Variants in GADL1 observed in about 807,000 individuals in gnomAD.
GADL1 encodes GAD like acidic amino acid decarboxylase 1, also known as acidic amino acid decarboxylase GADL1.
A neutral mutation model predicts 69.5 loss-of-function variants in GADL1; 71 were observed. The ratio of observed to expected loss-of-function variants is 1.02; its 90% CI spans 0.84 to 1.25. GADL1 has a LOEUF of 1.25. Ranked by LOEUF, GADL1 falls within the 50% of genes most tolerant of loss-of-function variation. The pLI is 0.00. For missense variants in GADL1, 737 were observed against 631.8 expected (o/e 1.17, Z -1.79); for synonymous variants, 254 against 214.4 (o/e 1.18, Z -1.62).
At chr3:30,759,018 A>G (rs1696052222) in intron 14 of GADL1, among the ~76,000 whole-genome samples, 2 of 151,988 alleles carry the variant, frequency 1.3e-5, no homozygotes, top group East Asian at 3.9e-4. Flanking sequence ...ACATACCTGC[A>G]CATAATTTCA....
intron 11 of GADL1, among the ~76,000 whole-genome samples, chr3:30,815,738 G>A (rs1173969197): frequency 6.6e-6 from 1 of 152,164 alleles, no homozygotes; most frequent in East Asian, 1.9e-4. Context: ...AAACAATCAG[G>A]TTTTATCTTT....
intron 1 of GADL1, among the ~76,000 whole-genome samples, chr3:30,881,342 C>T (rs1043083615): frequency 1.3e-5 from 2 of 151,892 alleles, no homozygotes; most frequent in African/African-American, 4.8e-5. Flanking sequence ...GATACTTAAA[C>T]TCTTATAGTA....
At chr3:30,839,829 G>GGA (rs1697938665) in intron 8 of GADL1, among the ~76,000 whole-genome samples, 1 of 151,788 alleles carries the variant, frequency 6.6e-6, no homozygotes, top group Non-Finnish European at 1.5e-5. Context: ...AGAAGAAAAG[G>GGA]GAGAATGTGG....
intron 11 of GADL1, among the ~76,000 whole-genome samples, chr3:30,812,972 T>G (rs1370548008): frequency 6.6e-6 from 1 of 151,482 alleles, no homozygotes; most frequent in Non-Finnish European, 1.5e-5. Context: ...ACAGAAGAAA[T>G]GAGGTTCAAA....
At chr3:30,787,773 T>C (rs1476428589) in intron 12 of GADL1, among the ~76,000 whole-genome samples, 1 of 152,148 alleles carries the variant, frequency 6.6e-6, no homozygotes, top group Non-Finnish European at 1.5e-5. Flanking sequence ...CTTCTTCAAT[T>C]TGAAATGGTT....
chr3:30,854,649 A>T, intron 4 of GADL1, 50 bp downstream of exon 4: 1 of 1,078,602 alleles, frequency 9.3e-7, no homozygotes, highest in Non-Finnish European at 1.4e-6. Context: ...TCATCTACTT[A>T]AAGTCTCTAA....
At chr3:30,736,378 C>A (rs1281731228) in intron 14 of GADL1, among the ~76,000 whole-genome samples, 1 of 152,068 alleles carries the variant, frequency 6.6e-6, no homozygotes, top group African/African-American at 2.4e-5. Context: ...CCATTCAGAG[C>A]CGATAATCCT....
chr3:30,857,557 G>A (rs190963503), intron 2 of GADL1, among the ~76,000 whole-genome samples: 1 of 151,844 alleles, frequency 6.6e-6, no homozygotes, highest in Non-Finnish European at 1.5e-5. Flanking sequence ...GAAATGGAGA[G>A]GAAATAAACA....
chr3:30,770,556 C>T (rs935893149), intron 14 of GADL1, among the ~76,000 whole-genome samples: 1 of 151,788 alleles, frequency 6.6e-6, no homozygotes, highest in Non-Finnish European at 1.5e-5. Flanking sequence ...ATCGAGGGTG[C>T]CCAGTGGATC....
chr3:30,873,153 C>A (rs1698516387), intron 1 of GADL1, among the ~76,000 whole-genome samples: 1 of 151,894 alleles, frequency 6.6e-6, no homozygotes, highest in South Asian at 2.1e-4. Context: ...TCTCTAGTAG[C>A]TTTTCTAGTT....
At chr3:30,833,133 A>G (rs1187449557) in intron 11 of GADL1, among the ~76,000 whole-genome samples, 1 of 152,118 alleles carries the variant, frequency 6.6e-6, no homozygotes, top group African/African-American at 2.4e-5. Flanking sequence ...GATCACCCAC[A>G]TGCTGAACAC....
intron 11 of GADL1, among the ~76,000 whole-genome samples, chr3:30,811,617 T>C (rs1259338035): frequency 1.3e-5 from 2 of 152,098 alleles, no homozygotes; most frequent in African/African-American, 4.8e-5. Context: ...GAAAGAAAAA[T>C]TTCATGGAAT....
intron 6 of GADL1, among the ~76,000 whole-genome samples, chr3:30,846,127 G>A (rs1320485583): frequency 1.3e-5 from 2 of 151,878 alleles, no homozygotes; most frequent in Non-Finnish European, 2.9e-5. Context: ...GAAGAGCCCT[G>A]GAAGGGAGAA....
intron 13 of GADL1, 112 bp from the exon 14 acceptor site, chr3:30,778,380 T>C (rs550515124): frequency 1.1e-4 from 76 of 678,566 alleles, no homozygotes; most frequent in Non-Finnish European, 1.8e-4. Context: ...GTGTATAAAA[T>C]TTTAACATCA....
At chr3:30,834,353 A>G in intron 9 of GADL1, 72 bp from the exon 10 acceptor site, 1 of 1,250,242 alleles carries the variant, frequency 8.0e-7, no homozygotes, top group Non-Finnish European at 1.2e-6. Flanking sequence ...TTGTCATAGA[A>G]AACCCTCAGT....
rs1198588104 is a variant in GADL1 at position 30,823,103 on chromosome 3, GA to G, written c.1050+10749del. Among the ~76,000 whole-genome samples, 3 of 152,074 alleles carry G rather than the reference GA, an allele frequency of 2.0e-5. No individual in the cohort carries two copies. The East Asian group carries it at 5.8e-4, about 29-fold the overall frequency. On this transcript the variant is annotated intron_variant, in intron 11 of 14. Transcript: ENST00000282538. ...ACAAAATATAAAAACTGCATCTAAT[GA>G]AAAGCCTAGCAGACCTCCACAAGAC... is the stretch of plus-strand genomic sequence containing the variant.
At chr3:30,854,628 G>T in intron 4 of GADL1, 71 bp downstream of exon 4, 1 of 877,552 alleles carries the variant, frequency 1.1e-6, no homozygotes, top group Non-Finnish European at 1.8e-6. Context: ...AGAGATTTTT[G>T]AAATAAAATT....
intron 1 of GADL1, among the ~76,000 whole-genome samples, chr3:30,869,402 G>A (rs1698448889): frequency 6.6e-6 from 1 of 151,802 alleles, no homozygotes; most frequent in African/African-American, 2.4e-5. Flanking sequence ...GAAATATTAA[G>A]AAATAACAAT....
At chr3:30,752,666 C>T (rs865774202) in intron 14 of GADL1, among the ~76,000 whole-genome samples, 1 of 152,132 alleles carries the variant, frequency 6.6e-6, no homozygotes, top group South Asian at 2.1e-4. Flanking sequence ...TACTTCATAG[C>T]ACTGTGACAG....
Sources: gnomAD v4.1 joint callset for allele counts (sites outside exome capture counted in the v4.1 genomes callset) on GRCh38, gnomAD v4.1.1 for gene constraint, MANE v1.5 for transcripts, NCBI Gene and HGNC (gene_info 2026-07-23, HGNC 2026-07-21) for gene names.